Variants in ENDOU observed in about 807,000 individuals in gnomAD.
The protein encoded by ENDOU is endonuclease, poly(U) specific.
ENDOU carries 49 observed loss-of-function variants against 54.2 expected under a neutral mutation model. That is an observed-to-expected ratio of 0.90 (90% CI 0.72 to 1.15). The LOEUF is 1.15. Among genes scored for constraint, ENDOU ranks in the 50% most tolerant of loss-of-function variants. The pLI, the probability that ENDOU is intolerant of heterozygous loss-of-function variation, is 0.00. For missense variants in ENDOU, 458 were observed against 511.4 expected, an observed-to-expected ratio of 0.90 and a Z score of 1.01; for synonymous variants, 172 against 190.5, an observed-to-expected ratio of 0.90 and a Z score of 0.80.
intron 8 of ENDOU, among the ~76,000 whole-genome samples, chr12:47,712,122 G>A (rs894801635): frequency 3.9e-5 from 6 of 152,160 alleles, no homozygotes; most frequent in Admixed American, 1.3e-4. Context: ...TCCTGGTACC[G>A]GGCAGCAAAG....
intron 9 of ENDOU, among the ~76,000 whole-genome samples, chr12:47,711,182 T>A (rs960147634): frequency 6.6e-6 from 1 of 152,176 alleles, no homozygotes; most frequent in African/African-American, 2.4e-5. Flanking sequence ...AATCCCAGAT[T>A]CTGGAGGTGA....
chr12:47,717,506 C>T lies in ENDOU; in HGVS notation c.382+12G>A. 1 of 1,613,300 alleles carries T rather than the reference C, an allele frequency of 6.2e-7. No individual in the cohort carries two copies. The highest frequency in any genetic ancestry group is 8.5e-7 in the Non-Finnish European group (1 of 1,179,436). On this transcript the variant is annotated intron_variant, in intron 4 of 9. Transcript: ENST00000422538. ...TGTCTCTGCAGCTTAGCTAAGGGAG[C>T]AGAAGACTAACCGTGGTCACTACAC...
At chr12:47,716,808 G>A (rs1940255322) in intron 5 of ENDOU, 82 bp downstream of exon 5, 1 of 1,425,736 alleles carries the variant, frequency 7.0e-7, no homozygotes, top group Admixed American at 1.8e-5. Context: ...TGCCTGACTT[G>A]AGGATAAAAA....
chr12:47,713,392 C>T lies in ENDOU; in HGVS notation c.752-4G>A. 6.2e-7 allele frequency: 1 copy of T among 1,610,588 alleles called. No individual in the cohort carries two copies. The highest frequency in any genetic ancestry group is 8.5e-7 in the Non-Finnish European group (1 of 1,176,854). ...TCTTGCTCTGAGCCATAGCGATCTG[C>T]AGAGGAACACAAAGGGTTTTGGAGA... is the stretch of plus-strand genomic sequence containing the variant. On this transcript the variant is annotated splice_polypyrimidine_tract_variant and splice_region_variant and intron_variant, in intron 6 of 9. Coordinates refer to ENST00000422538, the MANE Select transcript of ENDOU (RefSeq NM_001172439.2).
At chr12:47,724,759 G>C (rs1464389721) in intron 1 of ENDOU, among the ~76,000 whole-genome samples, 1 of 152,098 alleles carries the variant, frequency 6.6e-6, no homozygotes. Flanking sequence ...TCTCATAACT[G>C]TGGGCCAGGT....
chr12:47,725,161 C>G (rs1940545793), intron 1 of ENDOU, among the ~76,000 whole-genome samples, 198 bp downstream of exon 1: 1 of 152,220 alleles, frequency 6.6e-6, no homozygotes, highest in South Asian at 2.1e-4. Context: ...GCAACTCTCT[C>G]CACATAGTCC....
In ENDOU at chr12:47,716,157, T is replaced by C. The variant is rs1940221724; in HGVS notation, c.751+143A>G. ...TCTCCTTGGCTTCCCCCTGGCCTCA[T>C]CCCTCATCCCTCCCAGATGTACACT... On this transcript the variant is annotated intron_variant, in intron 6 of 9. Coordinates refer to ENST00000422538, the MANE Select transcript of ENDOU (RefSeq NM_001172439.2). 3.7e-6 allele frequency: 3 copies of C among 802,022 alleles called. No homozygotes were observed. The East Asian group carries it at 7.5e-5, about 20-fold the overall frequency. 49.7% of individuals were successfully genotyped at this position (802,022 alleles called of 1,614,324 possible).
intron 2 of ENDOU, 92 bp from the exon 3 acceptor site, chr12:47,718,286 C>T: frequency 8.6e-7 from 1 of 1,165,870 alleles, no homozygotes; most frequent in Non-Finnish European, 1.2e-6. Context: ...CCTCAGGGGA[C>T]AAGCAAGGGC....
At chr12:47,724,412 T>A (rs971926383) in intron 1 of ENDOU, among the ~76,000 whole-genome samples, 2 of 152,230 alleles carry the variant, frequency 1.3e-5, no homozygotes, top group African/African-American at 2.4e-5. Flanking sequence ...CACAACCCAG[T>A]TGGAAATGAC....
intron 4 of ENDOU, 97 bp downstream of exon 4, chr12:47,717,421 G>T: frequency 7.3e-7 from 1 of 1,369,536 alleles, no homozygotes; most frequent in Non-Finnish European, 1.0e-6. Context: ...CAAGTTCTCA[G>T]ACATTGCTGA....
intron 6 of ENDOU, among the ~76,000 whole-genome samples, 191 bp from the exon 7 acceptor site, chr12:47,713,579 G>T (rs1391077416): frequency 6.6e-6 from 1 of 152,172 alleles, no homozygotes; most frequent in Non-Finnish European, 1.5e-5. Flanking sequence ...AGATCTAAAG[G>T]CTGAGGATTC....
rs777493421 is a variant in ENDOU at position 47,725,272 on chromosome 12, G to C, written c.55+87C>G. On this transcript the variant is annotated intron_variant, in intron 1 of 9. Transcript: ENST00000422538. ...TCACCCTCCCTTGTCCCACGGCCCT[G>C]CCCTCTACCAAGTTCTCCAACTCTC... 1.8e-5 allele frequency: 26 copies of C among 1,449,326 alleles called. No homozygotes were observed. In the Admixed American group the frequency reaches 3.5e-4, roughly 20 times the overall value. 89.8% of individuals were successfully genotyped at this position (1,449,326 alleles called of 1,614,324 possible).
chr12:47,720,768 C>G lies in ENDOU; in HGVS notation c.163G>C (p.Glu55Gln), dbSNP rs1199104344. The change falls in exon 2 of 10, where the codon GAA becomes CAA. Residue 55 changes from glutamate to glutamine, a missense_variant. Coordinates refer to ENST00000422538, the MANE Select transcript of ENDOU (RefSeq NM_001172439.2). ...LWHGNCCEDY[E>Q]HLCTEDHKES... Reference sequence around the variant, plus strand: ...GGAGGCTCACCAGTACACAGATGTTCATAGTCTTCACAGCAGTTCCCATGC... The same window carrying G: ...GGAGGCTCACCAGTACACAGATGTTGATAGTCTTCACAGCAGTTCCCATGC... 6.5e-6 allele frequency: 10 copies of G among 1,536,136 alleles called. No homozygotes were observed. Among genetic ancestry groups the G allele is most frequent in the Middle Eastern group, 3.3e-4 (2 of 5,982 alleles).
chr12:47,717,148 C>A, intron 4 of ENDOU, 90 bp from the exon 5 acceptor site: 1 of 1,111,990 alleles, frequency 9.0e-7, no homozygotes, highest in South Asian at 1.4e-5. Context: ...TCCTGGGCAC[C>A]TTCAAGAAGC....
intron 2 of ENDOU, 117 bp from the exon 3 acceptor site, chr12:47,718,311 C>T: frequency 2.5e-6 from 2 of 807,602 alleles, no homozygotes; most frequent in South Asian, 1.5e-5. Context: ...GAAGCAAATT[C>T]TGAACAGGGG....
At position 47,717,205 on chromosome 12, in the gene ENDOU, AG is replaced by A. The variant is rs2136679253; in HGVS notation, c.383-148del. On this transcript the variant is annotated intron_variant, in intron 4 of 9. Transcript: ENST00000422538. The stretch of plus-strand genomic sequence containing the variant: ...ACAGTTGGACACCCTAGTGGTGGAC[AG>A]GGGCCCAGAGCCTAAAGGACGTGTA... The A allele has an allele frequency of 5.8e-6, 4 of 686,922 alleles. No homozygotes were observed. The South Asian group carries it at 6.9e-5, about 12-fold the overall frequency. The allele number at this position is 686,922 out of a possible 1,614,324, so 42.6% of individuals were successfully genotyped here. A position where few individuals can be genotyped will look rare whatever the true frequency, so the allele number is the denominator to read the frequency against.
intron 7 of ENDOU, among the ~76,000 whole-genome samples, chr12:47,712,890 TTGGTGGGAGTTTTA>T (rs1940080516): frequency 6.6e-6 from 1 of 152,100 alleles, no homozygotes; most frequent in East Asian, 1.9e-4. Context: ...CAAGCCAGGC[TTGGTGGGAGTTTTA>T]TGGGGTAGAA....
rs540897155 is a variant in ENDOU at position 47,713,522 on chromosome 12, T to C, written c.752-134A>G. 54 of 647,476 alleles carry C rather than the reference T, an allele frequency of 8.3e-5. No homozygotes were observed. In the East Asian group the frequency reaches 1.1e-3, roughly 13 times the overall value. The allele number at this position is 647,476 out of a possible 1,614,324, so 40.1% of individuals were successfully genotyped here. A position where few individuals can be genotyped will look rare whatever the true frequency, so the allele number is the denominator to read the frequency against. On this transcript the variant is annotated intron_variant, in intron 6 of 9. Coordinates refer to ENST00000422538, the MANE Select transcript of ENDOU (RefSeq NM_001172439.2). ...GGTTCAATCAACAAATGTGTTCGGC[T>C]GTTAATTCAATGATTATCTATGGGA...
At chr12:47,715,981 G>T (rs1247078823) in intron 6 of ENDOU, among the ~76,000 whole-genome samples, 2 of 152,114 alleles carry the variant, frequency 1.3e-5, no homozygotes, top group East Asian at 3.8e-4. Context: ...GGTGGGGGTG[G>T]GATGTGAGGG....
Sources: allele counts gnomAD v4.1 joint callset (sites outside exome capture counted in the v4.1 genomes callset), GRCh38; gene constraint gnomAD v4.1.1; transcripts MANE v1.5; gene names NCBI Gene and HGNC (gene_info 2026-07-23, HGNC 2026-07-21).